CASZ1: variants seen among roughly 807,000 people sequenced by gnomAD.
The protein encoded by CASZ1 is castor zinc finger 1.
CASZ1 carries 28 observed loss-of-function variants against 135.2 expected under a neutral mutation model. The observed-to-expected ratio is 0.21, with a 90% CI of 0.15 to 0.28. CASZ1 has a LOEUF of 0.28. Ranked by LOEUF, CASZ1 falls within the 10% of genes least tolerant of loss-of-function variation. CASZ1 has a pLI of 1.00. For missense variants in CASZ1, 2,161 were observed against 2,453.3 expected (o/e 0.88, Z 2.52); for synonymous variants, 1,068 against 1,073.4 (o/e 0.99, Z 0.10).
In CASZ1 at chr1:10,739,537, C is replaced by A. The variant is rs972628836; in HGVS notation, c.-77+21164G>T. Among the ~76,000 whole-genome samples, 1 of 152,110 alleles carries A rather than the reference C, an allele frequency of 6.6e-6. No homozygotes were observed. The highest frequency in any genetic ancestry group is 1.5e-5 in the Non-Finnish European group (1 of 68,010). On this transcript the variant is annotated intron_variant, in intron 2 of 20. Coordinates refer to ENST00000377022, the MANE Select transcript of CASZ1 (RefSeq NM_001079843.3). This position sits in a 1 kb window ranked among gnomAD's most constrained non-coding sequence, Gnocchi z 4.8. The stretch of plus-strand genomic sequence containing the variant: ...TCCAGACCTTTCCCTGAGCCCTCCG[C>A]CCCCCGGGCCCACTCCCCGTTCTCC...
At chr1:10,723,811 T>A (rs111599467) in intron 2 of CASZ1, among the ~76,000 whole-genome samples, 4 of 151,982 alleles carry the variant, frequency 2.6e-5, no homozygotes, top group African/African-American at 7.2e-5. Context: ...TCCCTCTAAC[T>A]CCCCCTGCAA....
intron 4 of CASZ1, among the ~76,000 whole-genome samples, chr1:10,677,074 G>A (rs1432400334): frequency 6.6e-6 from 1 of 152,194 alleles, no homozygotes; most frequent in African/African-American, 2.4e-5. Flanking sequence ...AGCCCCCTGG[G>A]GCTCCATCGC....
rs998332874 is a variant in CASZ1, at chr1:10,725,605, A to G, written c.-76-20061T>C. Among the ~76,000 whole-genome samples, 5 of 152,228 alleles carry G rather than the reference A, an allele frequency of 3.3e-5. No homozygotes were observed. The highest frequency in any genetic ancestry group is 1.2e-4 in the African/African-American group (5 of 41,456). ...TAGGTAATCCACTCCAGATTTTGAT[A>G]TTAACCTTTGAAACTGGAGTTCATT... On this transcript the variant is annotated intron_variant, in intron 2 of 20. Transcript: ENST00000377022. The surrounding 1 kb of genome is among the most constrained non-coding windows in gnomAD (Gnocchi z 4.4).
chr1:10,700,727 G>A lies in CASZ1; in HGVS notation c.-24+4765C>T, dbSNP rs115116643. Among the ~76,000 whole-genome samples the A allele has an allele frequency of 3.9e-5, 6 of 152,276 alleles. No individual in the cohort carries two copies. The highest frequency in any genetic ancestry group is 1.4e-4 in the African/African-American group (6 of 41,540). On this transcript the variant is annotated intron_variant, in intron 3 of 20. Transcript: ENST00000377022. This position sits in a 1 kb window ranked among gnomAD's most constrained non-coding sequence, Gnocchi z 4.2. ...CAGCATCTTCAGGAAATCATCGTTA[G>A]TGGAACCCTAGGTCTGCTGATAGTG...
In CASZ1 at chr1:10,697,570, T is replaced by A; in HGVS notation, c.-23-3658A>T. On this transcript the variant is annotated intron_variant, in intron 3 of 20. Transcript: ENST00000377022. This position sits in a 1 kb window ranked among gnomAD's most constrained non-coding sequence, Gnocchi z 4.7. Reference sequence around the variant, plus strand: ...AAGCCATCTGCCCTTCCTGTCACACTGCTATCGCTGGTTCCTGTTACCCCC... The same window carrying A: ...AAGCCATCTGCCCTTCCTGTCACACAGCTATCGCTGGTTCCTGTTACCCCC... 6.6e-6 allele frequency among the ~76,000 whole-genome samples: 1 copy of A among 151,874 alleles called. No homozygotes were observed. The highest frequency in any genetic ancestry group is 2.4e-5 in the African/African-American group (1 of 41,308).
rs556028117 is a variant in CASZ1 at position 10,697,173 on chromosome 1, C to T, written c.-23-3261G>A. Among the ~76,000 whole-genome samples, 22 of 152,242 alleles carry T rather than the reference C, an allele frequency of 1.4e-4. No homozygotes were observed. In the South Asian group the frequency reaches 4.3e-3, roughly 30 times the overall value. On this transcript the variant is annotated intron_variant, in intron 3 of 20. Coordinates refer to ENST00000377022, the MANE Select transcript of CASZ1 (RefSeq NM_001079843.3). The surrounding 1 kb of genome is among the most constrained non-coding windows in gnomAD (Gnocchi z 4.7). ...AAGGATTTATGAAGGTCAGAGAAGG[C>T]GGCGGAGGCTTCGAGGTTGTGGGGT...
rs980515780 is a variant in CASZ1, at chr1:10,694,039, G to A, written c.-23-127C>T. ...GAGCGGCCCGTCCCGGGCGGGCGCC[G>A]AGGCCGCGGCGGAGAAACTTTCTCC... On this transcript the variant is annotated intron_variant, in intron 3 of 20. Transcript: ENST00000377022. This position sits in a 1 kb window ranked among gnomAD's most constrained non-coding sequence, Gnocchi z 6.6. 2 of 808,940 alleles carry A rather than the reference G, an allele frequency of 2.5e-6. No individual in the cohort carries two copies. Among genetic ancestry groups the A allele is most frequent in the South Asian group, 1.9e-5 (1 of 52,514 alleles). The allele number at this position is 808,940 out of a possible 1,614,324, so 50.1% of individuals were successfully genotyped here.
intron 4 of CASZ1, among the ~76,000 whole-genome samples, chr1:10,667,590 G>C (rs906813132): frequency 6.6e-6 from 1 of 152,194 alleles, no homozygotes; most frequent in Non-Finnish European, 1.5e-5. Context: ...CCTCCAACAG[G>C]CCTCCGGGGA....
In CASZ1 at chr1:10,694,542, C is replaced by G. The variant is rs1375595532; in HGVS notation, c.-23-630G>C. On this transcript the variant is annotated intron_variant, in intron 3 of 20. Coordinates refer to ENST00000377022, the MANE Select transcript of CASZ1 (RefSeq NM_001079843.3). The surrounding 1 kb of genome is among the most constrained non-coding windows in gnomAD (Gnocchi z 6.6). Reference sequence around the variant, plus strand: ...CGGCCGCGGCGCCGCCTCCTCGGCCCGGCCCGCGCCGGCCCCGGCAGGTGA... The same window carrying G: ...CGGCCGCGGCGCCGCCTCCTCGGCCGGGCCCGCGCCGGCCCCGGCAGGTGA... 7.0e-6 allele frequency: 1 copy of G among 142,724 alleles called. No individual in the cohort carries two copies. The highest frequency in any genetic ancestry group is 1.5e-5 in the Non-Finnish European group (1 of 64,952). The allele number at this position is 142,724 out of a possible 1,614,324, so 8.8% of individuals were successfully genotyped here.
At chr1:10,737,382 TC>T (rs1420064141) in intron 2 of CASZ1, among the ~76,000 whole-genome samples, 4 of 152,110 alleles carry the variant, frequency 2.6e-5, no homozygotes, top group Middle Eastern at 3.4e-3. Context: ...CCTTCAGAAG[TC>T]CCAGCCCACC....
At chr1:10,791,616 A>C (rs1640956476) in intron 1 of CASZ1, among the ~76,000 whole-genome samples, 1 of 152,182 alleles carries the variant, frequency 6.6e-6, no homozygotes, top group Non-Finnish European at 1.5e-5. Context: ...ATATGTCTGA[A>C]AGCTGACACT....
In CASZ1 at chr1:10,639,411, G is replaced by A. The variant is rs760216629; in HGVS notation, c.4811C>T (p.Ala1604Val). Residue 1604 changes from alanine (A) to valine (V), a missense_variant, in exon 21 of 21, where the codon GCG becomes GTG. This residue lies in a region of CASZ1 where 240 missense variants were observed against 321.4 expected (regional missense o/e 0.75). Coordinates refer to ENST00000377022, the MANE Select transcript of CASZ1 (RefSeq NM_001079843.3). The surrounding 1 kb of genome is among the most constrained non-coding windows in gnomAD (Gnocchi z 4.0). ...AGGCCCGGGCGCGGGGCCCTCTGCC[G>A]CGGGCTCGCCGCGCTCCTGCTTCTC... ...KHEKQERGEP[A>V]AEGPAPGPPI... 1.2e-5 allele frequency: 18 copies of A among 1,552,308 alleles called. No individual in the cohort carries two copies. Among genetic ancestry groups the A allele is most frequent in the Non-Finnish European group, 1.5e-5 (17 of 1,148,792 alleles).
At position 10,647,467 on chromosome 1, in the gene CASZ1, G is replaced by A. The variant is rs376615123; in HGVS notation, c.3497+334C>T. On this transcript the variant is annotated intron_variant, in intron 16 of 20. Transcript: ENST00000377022. This position sits in a 1 kb window ranked among gnomAD's most constrained non-coding sequence, Gnocchi z 4.9. Reference sequence around the variant, plus strand: ...CCAATACGGAGGCTCGGAGGGAGACGCAGCCCTCCTTGTCAGGCTGGGAGT... The same window carrying A: ...CCAATACGGAGGCTCGGAGGGAGACACAGCCCTCCTTGTCAGGCTGGGAGT... The A allele has an allele frequency of 4.9e-6, 6 of 1,222,254 alleles. No homozygotes were observed. Among genetic ancestry groups the A allele is most frequent in the Middle Eastern group, 3.5e-4 (1 of 2,880 alleles). 75.7% of individuals were successfully genotyped at this position (1,222,254 alleles called of 1,614,324 possible).
At chr1:10,687,632 G>C (rs760582818) in intron 4 of CASZ1, among the ~76,000 whole-genome samples, 10 of 152,244 alleles carry the variant, frequency 6.6e-5, no homozygotes, top group Non-Finnish European at 1.5e-4. Flanking sequence ...AGAGAGGGCA[G>C]ACATGCAGTG....
intron 4 of CASZ1, among the ~76,000 whole-genome samples, chr1:10,669,318 C>G (rs1643334569): frequency 6.6e-6 from 1 of 152,228 alleles, no homozygotes; most frequent in Non-Finnish European, 1.5e-5. Flanking sequence ...TGCGGGGACT[C>G]CTTCCCCTGC....
chr1:10,693,362 C>T (rs1159383074), intron 4 of CASZ1, among the ~76,000 whole-genome samples: 1 of 151,994 alleles, frequency 6.6e-6, no homozygotes, highest in Admixed American at 6.6e-5. Context: ...ATTCCTTTAC[C>T]TTGAGACAGT....
At chr1:10,686,677 C>T (rs561350022) in intron 4 of CASZ1, among the ~76,000 whole-genome samples, 70 of 152,338 alleles carry the variant, frequency 4.6e-4, no homozygotes, top group African/African-American at 1.6e-3. Flanking sequence ...CGCCTTATTG[C>T]TTCTCCCCTT....
intron 1 of CASZ1, among the ~76,000 whole-genome samples, chr1:10,769,274 C>T (rs1275698260): frequency 2.0e-5 from 3 of 152,244 alleles, no homozygotes; most frequent in Non-Finnish European, 4.4e-5. Flanking sequence ...TGGCTGTGTG[C>T]TGGAGGATGC....
At position 10,741,499 on chromosome 1, in the gene CASZ1, C is replaced by A. The variant is rs1328342911; in HGVS notation, c.-77+19202G>T. Among the ~76,000 whole-genome samples, 1 of 151,790 alleles carries A rather than the reference C, an allele frequency of 6.6e-6. No individual in the cohort carries two copies. The highest frequency in any genetic ancestry group is 2.4e-5 in the African/African-American group (1 of 41,290). On this transcript the variant is annotated intron_variant, in intron 2 of 20. Transcript: ENST00000377022. This position sits in a 1 kb window ranked among gnomAD's most constrained non-coding sequence, Gnocchi z 5.0. ...TAAAGATGAGCATGGGCAGGGCTGG[C>A]GTGATGAGGCTGGTCTAGCAGAGCT...
Sources: gnomAD v4.1 joint callset for allele counts (sites outside exome capture counted in the v4.1 genomes callset) on GRCh38, gnomAD v4.1.1 for gene constraint, gnomAD v4.1.1 regional missense constraint, Gnocchi (gnomAD v3.1) non-coding constraint, MANE v1.5 for transcripts, NCBI Gene and HGNC (gene_info 2026-07-23, HGNC 2026-07-21) for gene names.